Variants in YEATS2 observed in about 807,000 individuals in gnomAD.
YEATS2 encodes YEATS domain-containing protein 2.
In YEATS2, 77 loss-of-function variants were observed where a neutral mutation model predicts 163.2. That is an observed-to-expected ratio of 0.47 (90% CI 0.39 to 0.57). The LOEUF (loss-of-function observed/expected upper bound fraction) is 0.57, where lower values mean the gene tolerates loss of function less well. Among genes scored for constraint, YEATS2 ranks in the 20% least tolerant of loss-of-function variants. The pLI, the probability that YEATS2 is intolerant of heterozygous loss-of-function variation, is 0.00. For missense variants in YEATS2, 1,549 were observed against 1,729.8 expected, an observed-to-expected ratio of 0.90 and a Z score of 1.85; for synonymous variants, 631 against 645.1, an observed-to-expected ratio of 0.98 and a Z score of 0.33.
intron 19 of YEATS2, among the ~76,000 whole-genome samples, chr3:183,779,735 G>T (rs955948868): frequency 3.3e-5 from 5 of 151,728 alleles, no homozygotes; most frequent in Admixed American, 2.0e-4. Context: ...GCCTTGCTCT[G>T]TCGCCAGGCT....
intron 27 of YEATS2, 132 bp downstream of exon 27, chr3:183,804,320 G>A: frequency 1.3e-5 from 14 of 1,082,904 alleles, no homozygotes; most frequent in Non-Finnish European, 1.8e-5. Context: ...TGTCCTTCGT[G>A]GGACCGTGCA....
At chr3:183,730,201 A>G (rs576372884) in intron 7 of YEATS2, among the ~76,000 whole-genome samples, 1 of 149,418 alleles carries the variant, frequency 6.7e-6, no homozygotes, top group East Asian at 2.0e-4. Context: ...AGCAGCTGTG[A>G]TTACAGGTGC....
chr3:183,718,034 T>C lies in YEATS2; in HGVS notation c.198+286T>C, dbSNP rs572517967. ...CAGTCAACAATAATTTATTGTACAT[T>C]TAAAAATAATTAAAAGAGTAAAATT... is the stretch of plus-strand genomic sequence containing the variant. On this transcript the variant is annotated intron_variant, in intron 3 of 30. Transcript: ENST00000305135. Among the ~76,000 whole-genome samples, 4 of 152,278 alleles carry C rather than the reference T, an allele frequency of 2.6e-5. No individual in the cohort carries two copies. The East Asian group carries it at 7.7e-4, about 29-fold the overall frequency.
At chr3:183,717,454 G>A (rs1459223362) in intron 2 of YEATS2, among the ~76,000 whole-genome samples, 197 bp from the exon 3 acceptor site, 1 of 152,174 alleles carries the variant, frequency 6.6e-6, no homozygotes, top group African/African-American at 2.4e-5. Flanking sequence ...TTTAGGGCAT[G>A]ATACTAGAAA....
intron 9 of YEATS2, among the ~76,000 whole-genome samples, chr3:183,750,854 C>G (rs978691849): frequency 6.6e-6 from 1 of 152,094 alleles, no homozygotes; most frequent in African/African-American, 2.4e-5. Context: ...AACCCCTTAC[C>G]AGATAGATGA....
chr3:183,805,389 G>C (rs1726086512), intron 27 of YEATS2, among the ~76,000 whole-genome samples: 1 of 152,074 alleles, frequency 6.6e-6, no homozygotes, highest in Non-Finnish European at 1.5e-5. Flanking sequence ...AACAGAGCCA[G>C]GCCCTGTCTC....
intron 26 of YEATS2, 38 bp downstream of exon 26, chr3:183,803,373 G>T: frequency 6.4e-7 from 1 of 1,568,264 alleles, no homozygotes; most frequent in Non-Finnish European, 8.7e-7. Context: ...GCTGCCTCCA[G>T]AAACCTTGTC....
intron 9 of YEATS2, among the ~76,000 whole-genome samples, chr3:183,750,896 A>G (rs1720090759): frequency 6.6e-6 from 1 of 152,008 alleles, no homozygotes; most frequent in African/African-American, 2.4e-5. Flanking sequence ...TCCGTGTTAT[A>G]TTTTTGCCTT....
chr3:183,771,718 A>ATTT lies in YEATS2; in HGVS notation c.1948-562_1948-560dup, dbSNP rs10592078. Among the ~76,000 whole-genome samples the ATTT allele has an allele frequency of 1.3e-4, 13 of 100,216 alleles. 1 individual carries two copies. Among genetic ancestry groups the ATTT allele is most frequent in the Admixed American group, 3.4e-4 (3 of 8,950 alleles). 65.7% of individuals were successfully genotyped at this position (100,216 alleles called of 152,430 possible). ...CAGATGTGTGCCACTGTACTGGCTAATTTTTTTTTTTTTTTTTTTTTTTTT... is the reference window on the plus strand; with the variant it reads ...CAGATGTGTGCCACTGTACTGGCTAATTTTTTTTTTTTTTTTTTTTTTTTTTTT... On this transcript the variant is annotated intron_variant, in intron 15 of 30. Transcript: ENST00000305135.
chr3:183,765,035 GTGCTA>G (rs1218606426), intron 15 of YEATS2, among the ~76,000 whole-genome samples: 1 of 152,082 alleles, frequency 6.6e-6, no homozygotes, highest in Non-Finnish European at 1.5e-5. Context: ...AGGAATCATG[GTGCTA>G]CAGCATCTCA....
intron 5 of YEATS2, 33 bp from the exon 6 acceptor site, chr3:183,724,386 A>G (rs777708121): frequency 2.9e-5 from 44 of 1,511,938 alleles, no homozygotes; most frequent in Non-Finnish European, 3.7e-5. Context: ...GTTGTTCAAA[A>G]TGAGAATGGA....
In YEATS2 at chr3:183,804,184, G is replaced by A. The variant is rs755668551; in HGVS notation, c.3780G>A (p.Glu1260=). Reference sequence around the variant, plus strand: ...ACGTGCTGACCCAGATCGACAGCGAGCCCGGTAAGCCTTCAGTGGCACTGC... The same window carrying A: ...ACGTGCTGACCCAGATCGACAGCGAACCCGGTAAGCCTTCAGTGGCACTGC... ...IEDVLTQIDS[E]PECPSSFSSA... is the part of the protein sequence containing the mutation. Residue 1260 remains glutamate (E), a synonymous_variant, in exon 27 of 31, where the codon GAG becomes GAA. Transcript: ENST00000305135. 1.2e-6 allele frequency: 2 copies of A among 1,614,158 alleles called. No homozygotes were observed. Among genetic ancestry groups the A allele is most frequent in the East Asian group, 2.2e-5 (1 of 44,872 alleles).
chr3:183,807,312 A>G (rs1393222166), intron 28 of YEATS2: 1 of 534,862 alleles, frequency 1.9e-6, no homozygotes, highest in Admixed American at 3.3e-5. Flanking sequence ...TTGGGCAGAA[A>G]TGCTAATTAC....
chr3:183,754,484 T>A, intron 11 of YEATS2, 119 bp downstream of exon 11: 2 of 1,348,788 alleles, frequency 1.5e-6, no homozygotes, highest in Non-Finnish European at 1.9e-6. Flanking sequence ...GTGTTATGTT[T>A]AACAAAAGGA....
At chr3:183,755,741 C>CTTTTTTTTTTTTTTTTTTT (rs57050296) in intron 11 of YEATS2, among the ~76,000 whole-genome samples, 6 of 82,206 alleles carry the variant, frequency 7.3e-5, no homozygotes, top group African/African-American at 3.0e-4. Context: ...TCCTTCCTTT[C>CTTTTTTTTTTTTTTTTTTT]TTTTTTTTTT....
rs779648575 is a variant in YEATS2, at chr3:183,790,980, G to C, written c.3097G>C (p.Gly1033Arg). 6.2e-7 allele frequency: 1 copy of C among 1,612,120 alleles called. No homozygotes were observed. Among genetic ancestry groups the C allele is most frequent in the Non-Finnish European group, 8.5e-7 (1 of 1,178,792 alleles). ...NPISGKATVS[G>R]LLKIHSSQSS... ...CATCTCTGGGAAAGCCACAGTATCC[G>C]GTGAGTTGCATTGTGATATTATTTC... The change falls in exon 21 of 31, where the codon GGA (glycine) becomes CGA (arginine). Residue 1033 changes from glycine (G) to arginine (R), a missense_variant and splice_region_variant. Coordinates refer to ENST00000305135, the MANE Select transcript of YEATS2 (RefSeq NM_018023.5).
chr3:183,738,766 T>C (rs1577086222), intron 8 of YEATS2, among the ~76,000 whole-genome samples: 1 of 118,092 alleles, frequency 8.5e-6, no homozygotes, highest in Non-Finnish European at 1.7e-5. Context: ...TATTCCATGG[T>C]GTATATGTGC....
At chr3:183,771,543 CT>C (rs1158586747) in intron 15 of YEATS2, among the ~76,000 whole-genome samples, 26 of 26,686 alleles carry the variant, frequency 9.7e-4, no homozygotes, top group South Asian at 3.1e-3. Flanking sequence ...TTATTCTTGC[CT>C]TTTTTTTTTT....
At chr3:183,789,228 T>C (rs1307043303) in intron 20 of YEATS2, among the ~76,000 whole-genome samples, 1 of 152,192 alleles carries the variant, frequency 6.6e-6, no homozygotes, top group Non-Finnish European at 1.5e-5. Context: ...GTTTCCCTAA[T>C]GTTTTCTTGT....
Sources: allele counts gnomAD v4.1 joint callset (sites outside exome capture counted in the v4.1 genomes callset), GRCh38; gene constraint gnomAD v4.1.1; transcripts MANE v1.5; gene names NCBI Gene and HGNC (gene_info 2026-07-23, HGNC 2026-07-21).